Variants in CSMD1 observed in about 807,000 individuals in gnomAD.
The protein encoded by CSMD1 is CUB and sushi domain-containing protein 1.
A neutral mutation model predicts 417.5 loss-of-function variants in CSMD1; 213 were observed. The observed-to-expected ratio is 0.51, with a 90% CI of 0.46 to 0.57. CSMD1 has a LOEUF of 0.57. Ranked by LOEUF, CSMD1 falls within the 20% of genes least tolerant of loss-of-function variation. CSMD1 has a pLI of 0.00. For synonymous variants in CSMD1, 2,862 were observed against 1,736.8 expected (o/e 1.65, Z -16.11); for missense variants, 6,923 against 4,529.7 (o/e 1.53, Z -15.17).
At chr8:4,814,730 G>A (rs919227084) in intron 1 of CSMD1, among the ~76,000 whole-genome samples, 13 of 152,198 alleles carry the variant, frequency 8.5e-5, no homozygotes, top group Non-Finnish European at 1.3e-4. Flanking sequence ...TAGGTTTCCA[G>A]TATTTTTGTC....
At chr8:3,728,457 G>A (rs1382808381) in intron 6 of CSMD1, among the ~76,000 whole-genome samples, 1 of 152,196 alleles carries the variant, frequency 6.6e-6, no homozygotes, top group East Asian at 1.9e-4. Flanking sequence ...GGTAAATTCT[G>A]TGTTAGGTTT....
At chr8:3,509,855 T>G (rs1282195956) in intron 10 of CSMD1, among the ~76,000 whole-genome samples, 2 of 152,190 alleles carry the variant, frequency 1.3e-5, no homozygotes, top group Non-Finnish European at 2.9e-5. Context: ...ATTATCAGGT[T>G]GGACCCAACT....
In CSMD1 at chr8:3,399,469, C is replaced by T. The variant is rs1811907298; in HGVS notation, c.2327G>A (p.Gly776Glu). 6.2e-7 allele frequency: 1 copy of T among 1,609,930 alleles called. No homozygotes were observed. The highest frequency in any genetic ancestry group is 2.2e-5 in the East Asian group (1 of 44,778). The stretch of plus-strand genomic sequence containing the variant: ...ACAATGTAAAGAATCCTTATAATAT[C>T]CTGGCCATCCAGGAGGCAAAATGAC... The part of the protein sequence containing the change: ...SGVILPPGWP[G>E]YYKDSLHCEW... Residue 776 changes from glycine to glutamate, a missense_variant, in exon 16 of 70, where the codon GGA (glycine) becomes GAA (glutamate). Physicochemically the swap from Gly to Glu is moderately conservative, Grantham distance 98. Transcript: ENST00000635120.
chr8:3,233,209 G>A (rs577613987), intron 26 of CSMD1, among the ~76,000 whole-genome samples: 3 of 152,054 alleles, frequency 2.0e-5, no homozygotes, highest in Admixed American at 6.6e-5. Flanking sequence ...CATATTGGGA[G>A]GTGAGGCCTT....
chr8:4,690,548 C>A (rs1483952458), intron 1 of CSMD1, among the ~76,000 whole-genome samples: 4 of 152,098 alleles, frequency 2.6e-5, no homozygotes, highest in South Asian at 2.1e-4. Context: ...CATGACACAT[C>A]GCACTTCAGA....
chr8:3,928,079 C>T (rs1329996106), intron 5 of CSMD1, among the ~76,000 whole-genome samples: 1 of 151,934 alleles, frequency 6.6e-6, no homozygotes, highest in African/African-American at 2.4e-5. Context: ...TTCAAGGAGG[C>T]CTGAGTTTAT....
intron 12 of CSMD1, among the ~76,000 whole-genome samples, chr8:3,459,485 A>T (rs752621213): frequency 6.6e-6 from 1 of 152,152 alleles, no homozygotes; most frequent in Non-Finnish European, 1.5e-5. Context: ...CCCCTGGGTG[A>T]TCTCCACGCA....
chr8:4,560,558 G>A (rs905022046), intron 2 of CSMD1, among the ~76,000 whole-genome samples: 6 of 152,216 alleles, frequency 3.9e-5, no homozygotes, highest in African/African-American at 4.8e-5. Flanking sequence ...TAGATACAGT[G>A]TGAGCTAAAA....
At position 3,893,339 on chromosome 8, in the gene CSMD1, T is replaced by TTATATATA. The variant is rs56848640; in HGVS notation, c.818+104556_818+104563dup. On this transcript the variant is annotated intron_variant, in intron 5 of 69. Transcript: ENST00000635120. ...TCCCAAACTAATAATATTCACAATT[T>TTATATATA]TATATATATATATATATATATATTA... Among the ~76,000 whole-genome samples the TTATATATA allele has an allele frequency of 3.2e-3, 261 of 80,456 alleles. 10 individuals carry two copies. Among genetic ancestry groups the TTATATATA allele is most frequent in the South Asian group, 7.6e-3 (14 of 1,836 alleles). 52.8% of individuals were successfully genotyped at this position (80,456 alleles called of 152,430 possible). A position where few individuals can be genotyped will look rare whatever the true frequency, so the allele number is the denominator to read the frequency against.
In CSMD1 at chr8:3,399,538, A is replaced by G. The variant is rs190062004; in HGVS notation, c.2267-9T>C. 2 of 1,576,412 alleles carry G rather than the reference A, an allele frequency of 1.3e-6. No homozygotes were observed. Among genetic ancestry groups the G allele is most frequent in the Non-Finnish European group, 1.7e-6 (2 of 1,164,190 alleles). On this transcript the variant is annotated splice_polypyrimidine_tract_variant and intron_variant, in intron 15 of 69. Transcript: ENST00000635120. ...ATGTCCACCACATGGAGCTAAAACAAGACGTAGAATATCTATTAGATCCAA... is the reference window on the plus strand; with the variant it reads ...ATGTCCACCACATGGAGCTAAAACAGGACGTAGAATATCTATTAGATCCAA...
chr8:4,462,953 T>C (rs938969762), intron 2 of CSMD1, among the ~76,000 whole-genome samples: 4 of 152,166 alleles, frequency 2.6e-5, no homozygotes, highest in African/African-American at 7.2e-5. Context: ...AAGAATTAAC[T>C]GGAATTCATC....
intron 2 of CSMD1, among the ~76,000 whole-genome samples, chr8:4,471,235 C>A (rs1800512875): frequency 6.6e-6 from 1 of 152,116 alleles, no homozygotes; most frequent in Admixed American, 6.5e-5. Flanking sequence ...GTTCCCCAAG[C>A]TCACAAAATG....
At chr8:3,382,274 C>A (rs1023360173) in intron 18 of CSMD1, among the ~76,000 whole-genome samples, 6 of 150,216 alleles carry the variant, frequency 4.0e-5, no homozygotes, top group African/African-American at 1.5e-4. Context: ...TCTTCTGATT[C>A]CTAGTCAGCA....
intron 18 of CSMD1, among the ~76,000 whole-genome samples, chr8:3,375,623 A>T (rs1177553956): frequency 6.6e-6 from 1 of 152,152 alleles, no homozygotes; most frequent in African/African-American, 2.4e-5. Flanking sequence ...ACCAAAAGGA[A>T]TCTTGTGCAG....
At chr8:3,177,598 G>A (rs1399667356) in intron 37 of CSMD1, among the ~76,000 whole-genome samples, 4 of 152,048 alleles carry the variant, frequency 2.6e-5, no homozygotes, top group South Asian at 4.1e-4. Context: ...GATAACTGGG[G>A]CAATAGAAAT....
At chr8:3,557,606 A>G (rs1799213518) in intron 10 of CSMD1, among the ~76,000 whole-genome samples, 1 of 152,170 alleles carries the variant, frequency 6.6e-6, no homozygotes, top group Non-Finnish European at 1.5e-5. Flanking sequence ...TCACTGCTTG[A>G]GGCTTTCTTT....
intron 3 of CSMD1, among the ~76,000 whole-genome samples, chr8:4,258,992 T>C (rs549655065): frequency 9.2e-5 from 14 of 152,304 alleles, no homozygotes; most frequent in African/African-American, 3.4e-4. Context: ...CTTTAAAAGA[T>C]TTCCTGCAGA....
At chr8:3,534,827 T>C (rs923310553) in intron 10 of CSMD1, among the ~76,000 whole-genome samples, 2 of 152,224 alleles carry the variant, frequency 1.3e-5, no homozygotes, top group Non-Finnish European at 2.9e-5. Flanking sequence ...TGGGTCACAT[T>C]TTGGGAAACG....
chr8:3,600,828 C>CAT (rs3990827), intron 8 of CSMD1, among the ~76,000 whole-genome samples: 3,220 of 151,966 alleles, frequency 0.021, 125 homozygotes, highest in African/African-American at 0.075. Flanking sequence ...TTGCAACATT[C>CAT]ATATGCATGT....
Sources: allele counts gnomAD v4.1 joint callset (sites outside exome capture counted in the v4.1 genomes callset), GRCh38; gene constraint gnomAD v4.1.1; transcripts MANE v1.5; gene names NCBI Gene and HGNC (gene_info 2026-07-23, HGNC 2026-07-21).